HDGFL2: variants seen among roughly 807,000 people sequenced by gnomAD.
HDGFL2 encodes the protein hepatoma-derived growth factor-related protein 2.
HDGFL2 carries 36 observed loss-of-function variants against 77.1 expected under a neutral mutation model. The ratio of observed to expected loss-of-function variants is 0.47; its 90% CI spans 0.36 to 0.62. The LOEUF is 0.62. Among genes scored for constraint, HDGFL2 ranks in the 20% least tolerant of loss-of-function variants. The pLI is 0.00. For synonymous variants in HDGFL2, 463 were observed against 413.1 expected (o/e 1.12, Z -1.46); for missense variants, 976 against 973.4 (o/e 1.00, Z -0.04).
At chr19:4,486,388 G>T (rs947977851) in intron 3 of HDGFL2, 1 of 152,102 alleles carries the variant, frequency 6.6e-6, no homozygotes, top group African/African-American at 2.4e-5. Flanking sequence ...CCTAGCAGGT[G>T]TCTCATGATC....
intron 3 of HDGFL2, among the ~76,000 whole-genome samples, chr19:4,476,610 A>G (rs1035440966): frequency 6.6e-6 from 1 of 151,092 alleles, no homozygotes; most frequent in East Asian, 1.9e-4. Context: ...GCCAGATTTT[A>G]GAGGAGTGAA....
At position 4,499,593 on chromosome 19, in the gene HDGFL2, A is replaced by G. The variant is rs752307260; in HGVS notation, c.1678A>G (p.Lys560Glu). Residue 560 changes from lysine to glutamate, a missense_variant, in exon 14 of 16, where the codon AAA becomes GAA. Lys to Glu is a moderately conservative substitution (Grantham distance 56, BLOSUM62 1). This residue lies in a region of HDGFL2 where 229 missense variants were observed against 187.3 expected (regional missense o/e 1.22). Transcript: ENST00000616600. Reference protein sequence around the residue: ...VLGPKIEAVQKVNKAGMEKEK... With the variant: ...VLGPKIEAVQEVNKAGMEKEK... ...CGGCCCAAAGATCGAGGCGGTGCAG[A>G]AAGTGAACAAGGCTGGGATGGAGAA... The G allele has an allele frequency of 4.3e-6, 7 of 1,611,224 alleles. No individual in the cohort carries two copies. In the East Asian group the frequency reaches 1.6e-4, roughly 36 times the overall value.
chr19:4,500,606 A>G (rs544768144), intron 14 of HDGFL2, among the ~76,000 whole-genome samples: 3 of 151,538 alleles, frequency 2.0e-5, no homozygotes, highest in East Asian at 3.9e-4. Context: ...GACTACAGGC[A>G]CCCAACACCA....
chr19:4,501,440 C>T (rs1277677409), intron 15 of HDGFL2, 123 bp downstream of exon 15: 1 of 1,189,142 alleles, frequency 8.4e-7, no homozygotes. Context: ...GTCGTCCTTA[C>T]TCGGGCCTCC....
intron 6 of HDGFL2, among the ~76,000 whole-genome samples, chr19:4,492,944 T>A (rs1975569278): frequency 7.7e-6 from 1 of 129,184 alleles, no homozygotes; most frequent in Non-Finnish European, 1.7e-5. Flanking sequence ...GTGGTGTGTG[T>A]GTGTGGTGCG....
chr19:4,490,681 C>G (rs778241488), intron 4 of HDGFL2, among the ~76,000 whole-genome samples: 6 of 152,124 alleles, frequency 3.9e-5, no homozygotes, highest in African/African-American at 4.8e-5. Flanking sequence ...TTTTCTGATT[C>G]TAAAATGATA....
chr19:4,480,007 A>G (rs1404310542), intron 3 of HDGFL2, among the ~76,000 whole-genome samples: 1 of 118,556 alleles, frequency 8.4e-6, no homozygotes, highest in East Asian at 2.2e-4. Context: ...TCAGTACCTT[A>G]TAAGAGAGTA....
At chr19:4,479,388 C>G (rs1033156096) in intron 3 of HDGFL2, among the ~76,000 whole-genome samples, 6 of 151,386 alleles carry the variant, frequency 4.0e-5, no homozygotes, top group South Asian at 2.1e-4. Flanking sequence ...TCGAGACCAT[C>G]CTGGCTAACT....
intron 15 of HDGFL2, chr19:4,501,684 TCA>T: frequency 2.0e-6 from 1 of 500,868 alleles, no homozygotes; most frequent in South Asian, 3.4e-5. Context: ...GTGGAGTCAC[TCA>T]CTTACCCAGC....
At position 4,499,685 on chromosome 19, in the gene HDGFL2, G is replaced by A. The variant is rs752644347; in HGVS notation, c.1770G>A (p.Ala590=). Residue 590 remains alanine, a synonymous_variant, in exon 14 of 16, where the codon GCG becomes GCA. Transcript: ENST00000616600. ...LAGEEAPQEK[A]EDKPSTDLSA... ...GGGAGGAGGCCCCCCAGGAGAAGGC[G>A]GAGGACAAGCCCAGCACCGGTGAGG... is the stretch of plus-strand genomic sequence containing the variant. 1.3e-5 allele frequency: 21 copies of A among 1,567,870 alleles called. No individual in the cohort carries two copies. The highest frequency in any genetic ancestry group is 3.7e-5 in the Admixed American group (2 of 53,904).
At chr19:4,492,846 GTGTT>G (rs1404155469) in intron 6 of HDGFL2, among the ~76,000 whole-genome samples, 5 of 149,690 alleles carry the variant, frequency 3.3e-5, no homozygotes, top group African/African-American at 1.2e-4. Context: ...TGTGGTGTGT[GTGTT>G]GTCTGTGTGT....
intron 3 of HDGFL2, among the ~76,000 whole-genome samples, chr19:4,483,809 T>TG (rs1975285677): frequency 8.3e-6 from 1 of 120,984 alleles, no homozygotes; most frequent in African/African-American, 3.3e-5. Context: ...TTTTTTTTTT[T>TG]GAGACAGTCT....
intron 11 of HDGFL2, 58 bp from the exon 12 acceptor site, chr19:4,498,248 A>G (rs2288926): frequency 0.67 from 989,754 of 1,473,766 alleles, 335,789 homozygotes; most frequent in African/African-American, 0.76. Flanking sequence ...CTGCCCTTGA[A>G]CAGCTGGCCC....
chr19:4,480,432 G>C (rs1263729281), intron 3 of HDGFL2, among the ~76,000 whole-genome samples: 1 of 152,120 alleles, frequency 6.6e-6, no homozygotes, highest in Non-Finnish European at 1.5e-5. Flanking sequence ...CTTAGAAGTG[G>C]GAGTTGGGAG....
chr19:4,474,408 C>T (rs1335012302), intron 1 of HDGFL2, among the ~76,000 whole-genome samples: 1 of 152,044 alleles, frequency 6.6e-6, no homozygotes, highest in African/African-American at 2.4e-5. Flanking sequence ...GGATGCTGGG[C>T]CTGGCGGCCC....
intron 6 of HDGFL2, 132 bp downstream of exon 6, chr19:4,491,967 C>A: frequency 1.3e-6 from 1 of 786,260 alleles, no homozygotes; most frequent in Non-Finnish European, 2.0e-6. Context: ...CCGAGGGGAC[C>A]GCCTCTGCCC....
intron 1 of HDGFL2, among the ~76,000 whole-genome samples, chr19:4,474,509 C>T (rs551361973): frequency 1.3e-5 from 2 of 151,958 alleles, no homozygotes; most frequent in Non-Finnish European, 2.9e-5. Context: ...CAGGGAAGAT[C>T]GGGAGCCCCC....
intron 3 of HDGFL2, among the ~76,000 whole-genome samples, chr19:4,484,593 G>A (rs973146585): frequency 1.5e-4 from 22 of 150,490 alleles, no homozygotes; most frequent in African/African-American, 3.9e-4. Flanking sequence ...TCCACCTCCC[G>A]GGTTCACACC....
At chr19:4,492,802 C>CTGTATGTCTGGTG (rs1361742861) in intron 6 of HDGFL2, among the ~76,000 whole-genome samples, 7,581 of 129,038 alleles carry the variant, frequency 0.059, 299 homozygotes, top group African/African-American at 0.092. Flanking sequence ...TGTTTCTGGT[C>CTGTATGTCTGGTG]TGTGTGTTAT....
Sources: gnomAD v4.1 joint callset for allele counts (sites outside exome capture counted in the v4.1 genomes callset) on GRCh38, gnomAD v4.1.1 for gene constraint, gnomAD v4.1.1 regional missense constraint, MANE v1.5 for transcripts, NCBI Gene and HGNC (gene_info 2026-07-23, HGNC 2026-07-21) for gene names.